Variants in CDH6 observed in about 807,000 individuals in gnomAD.
CDH6 encodes cadherin-6.
CDH6 carries 31 observed loss-of-function variants against 78.0 expected under a neutral mutation model. The ratio of observed to expected loss-of-function variants is 0.40; its 90% confidence interval spans 0.30 to 0.54. CDH6 has a LOEUF of 0.54. Among genes scored for constraint, CDH6 ranks in the 20% least tolerant of loss-of-function variants. The pLI, the probability that CDH6 is intolerant of heterozygous loss-of-function variation, is 0.56. For synonymous variants in CDH6, 376 were observed against 368.8 expected (o/e 1.02, Z -0.23); for missense variants, 724 against 975.9 (o/e 0.74, Z 3.44).
intron 1 of CDH6, among the ~76,000 whole-genome samples, chr5:31,244,120 T>C (rs1741681727): frequency 6.6e-6 from 1 of 152,220 alleles, no homozygotes; most frequent in Non-Finnish European, 1.5e-5. Context: ...TTGTATTTAT[T>C]AGGAAGTATT....
intron 1 of CDH6, among the ~76,000 whole-genome samples, chr5:31,219,379 G>A (rs1740949041): frequency 6.6e-6 from 1 of 152,010 alleles, no homozygotes. Flanking sequence ...CATCCTGTAG[G>A]TTCTGTTTTT....
At position 31,325,859 on chromosome 5, in the gene CDH6, C is replaced by G. The variant is rs1738614519; in HGVS notation, c.*2551C>G. ...TGAGACTGGGGCTAAATATTTAGTA[C>G]CAGGGTACTGTAAGTATCAAGTTGG... On this transcript the variant is annotated 3_prime_UTR_variant, in exon 12 of 12. Coordinates refer to ENST00000265071, the MANE Select transcript of CDH6 (RefSeq NM_004932.4). 1 of 231,306 alleles carries G rather than the reference C, an allele frequency of 4.3e-6. No individual in the cohort carries two copies. The highest frequency in any genetic ancestry group is 8.5e-6 in the Non-Finnish European group (1 of 117,010). The allele number at this position is 231,306 out of a possible 1,614,324, so 14.3% of individuals were successfully genotyped here.
chr5:31,242,842 T>C (rs1055171511), intron 1 of CDH6, among the ~76,000 whole-genome samples: 4 of 147,928 alleles, frequency 2.7e-5, no homozygotes, highest in Non-Finnish European at 4.5e-5. Context: ...GGCAACATAA[T>C]GAGACCTCGC....
At chr5:31,227,046 C>T (rs1741171487) in intron 1 of CDH6, among the ~76,000 whole-genome samples, 1 of 152,158 alleles carries the variant, frequency 6.6e-6, no homozygotes, top group Non-Finnish European at 1.5e-5. Flanking sequence ...CCTAGCACCA[C>T]ACATCGGGTT....
intron 1 of CDH6, among the ~76,000 whole-genome samples, chr5:31,238,332 C>A (rs2111869409): frequency 6.6e-6 from 1 of 152,188 alleles, no homozygotes; most frequent in Non-Finnish European, 1.5e-5. Flanking sequence ...CTGAAATGTA[C>A]CCATTACAAA....
At position 31,281,852 on chromosome 5, in the gene CDH6, G is replaced by A. The variant is rs796078658; in HGVS notation, c.229-12110G>A. 3.9e-4 allele frequency among the ~76,000 whole-genome samples: 60 copies of A among 152,168 alleles called. 1 individual carries two copies. Among genetic ancestry groups the A allele is most frequent in the African/African-American group, 1.3e-3 (56 of 41,502 alleles). ...AGACTTTGGAGTCAGGCAGGCCTTG[G>A]TATCCTTTCTGGCTCTGCGCTTAAC... On this transcript the variant is annotated intron_variant, in intron 2 of 11. Coordinates refer to ENST00000265071, the MANE Select transcript of CDH6 (RefSeq NM_004932.4).
At chr5:31,238,748 G>A (rs1741519777) in intron 1 of CDH6, among the ~76,000 whole-genome samples, 1 of 152,170 alleles carries the variant, frequency 6.6e-6, no homozygotes, top group Admixed American at 6.5e-5. Flanking sequence ...AATATCTCAA[G>A]TGCCAATAGA....
At chr5:31,204,913 AC>A (rs897817784) in intron 1 of CDH6, among the ~76,000 whole-genome samples, 2 of 152,212 alleles carry the variant, frequency 1.3e-5, no homozygotes, top group African/African-American at 4.8e-5. Context: ...TTTAGGTTTT[AC>A]CTGATTGACA....
At chr5:31,264,434 A>G (rs968332787) in intron 1 of CDH6, among the ~76,000 whole-genome samples, 1 of 152,164 alleles carries the variant, frequency 6.6e-6, no homozygotes, top group African/African-American at 2.4e-5. Flanking sequence ...TCATTATCCC[A>G]TTTACAGAAT....
At chr5:31,293,887 G>T in intron 2 of CDH6, 75 bp from the exon 3 acceptor site, 1 of 948,304 alleles carries the variant, frequency 1.1e-6, no homozygotes, top group East Asian at 2.5e-5. Context: ...AATGTAGCAT[G>T]CACCAAAAAG....
chr5:31,273,960 G>A (rs558063567), intron 2 of CDH6, among the ~76,000 whole-genome samples: 10 of 152,000 alleles, frequency 6.6e-5, no homozygotes, highest in East Asian at 1.9e-4. Flanking sequence ...CTAAACTTCC[G>A]TTCTGGTTCA....
chr5:31,239,735 G>C (rs72635212), intron 1 of CDH6, among the ~76,000 whole-genome samples: 15,155 of 152,174 alleles, frequency 0.1, 1,054 homozygotes, highest in East Asian at 0.28. Flanking sequence ...ACAAGGCAAA[G>C]GCATAGCATT....
chr5:31,280,129 C>A (rs1242346564), intron 2 of CDH6, among the ~76,000 whole-genome samples: 1 of 152,000 alleles, frequency 6.6e-6, no homozygotes, highest in Non-Finnish European at 1.5e-5. Context: ...GCAATTAACA[C>A]CTGAAGAAGG....
At chr5:31,314,634 A>G (rs975227643) in intron 8 of CDH6, among the ~76,000 whole-genome samples, 1 of 152,016 alleles carries the variant, frequency 6.6e-6, no homozygotes, top group African/African-American at 2.4e-5. Context: ...GAATTTTTCA[A>G]GATTTATCTT....
rs77310891 is a variant in CDH6, at chr5:31,242,974, A to T, written c.-128-24372A>T. On this transcript the variant is annotated intron_variant, in intron 1 of 11. Transcript: ENST00000265071. ...AGTTTCTATCACTCTAAGTCTTTGG[A>T]TTCCTGCTACTATGTTGTACTGATG... 8.8e-4 allele frequency among the ~76,000 whole-genome samples: 134 copies of T among 152,258 alleles called. 1 individual carries two copies. Among genetic ancestry groups the T allele is most frequent in the Middle Eastern group, 3.4e-3 (1 of 294 alleles).
At chr5:31,275,387 T>C (rs1742661388) in intron 2 of CDH6, among the ~76,000 whole-genome samples, 1 of 152,150 alleles carries the variant, frequency 6.6e-6, no homozygotes, top group African/African-American at 2.4e-5. Flanking sequence ...CCAGTGCCTA[T>C]TGTTGCCATC....
chr5:31,320,343 T>C (rs1579916612), intron 11 of CDH6, among the ~76,000 whole-genome samples: 1 of 152,164 alleles, frequency 6.6e-6, no homozygotes, highest in East Asian at 1.9e-4. Context: ...CTCTCCCTTC[T>C]AGACAGTTGC....
At chr5:31,270,074 T>C (rs1337691599) in intron 2 of CDH6, among the ~76,000 whole-genome samples, 2 of 152,006 alleles carry the variant, frequency 1.3e-5, no homozygotes, top group East Asian at 1.9e-4. Flanking sequence ...TAGAAAAAAA[T>C]ACATTTTTAA....
At position 31,221,031 on chromosome 5, in the gene CDH6, G is replaced by C. The variant is rs368294889; in HGVS notation, c.-129+27145G>C. 1.4e-4 allele frequency among the ~76,000 whole-genome samples: 21 copies of C among 152,240 alleles called. No individual in the cohort carries two copies. In the East Asian group the frequency reaches 1.7e-3, roughly 13 times the overall value. ...CCTATCCTGGATACAGGCTGTTCAG[G>C]GGGGAGACATTTAAATAGAAACCAT... On this transcript the variant is annotated intron_variant, in intron 1 of 11. Coordinates refer to ENST00000265071, the MANE Select transcript of CDH6 (RefSeq NM_004932.4).
Sources: allele counts gnomAD v4.1 joint callset (sites outside exome capture counted in the v4.1 genomes callset), GRCh38; gene constraint gnomAD v4.1.1; transcripts MANE v1.5; gene names NCBI Gene and HGNC (gene_info 2026-07-23, HGNC 2026-07-21).